MAP4: variants seen among roughly 807,000 people sequenced by gnomAD.
The protein encoded by MAP4 is microtubule associated protein 4.
Under a neutral mutation model 170.2 loss-of-function variants are expected in MAP4, and 76 were observed. The observed-to-expected ratio is 0.45, with a 90% CI of 0.37 to 0.54. The LOEUF (loss-of-function observed/expected upper bound fraction) is 0.54. Ranked by LOEUF, MAP4 falls within the 20% of genes least tolerant of loss-of-function variation. The pLI is 0.00. For missense variants in MAP4, 2,506 were observed against 2,748.0 expected (o/e 0.91, Z 1.97); for synonymous variants, 909 against 994.5 (o/e 0.91, Z 1.62).
intron 5 of MAP4, among the ~76,000 whole-genome samples, chr3:47,919,471 C>T (rs548435408): frequency 1.3e-5 from 2 of 151,898 alleles, no homozygotes; most frequent in African/African-American, 4.8e-5. Context: ...CCACACCTGG[C>T]TAATTTTTTT....
intron 1 of MAP4, among the ~76,000 whole-genome samples, chr3:48,061,765 G>A (rs1275011187): frequency 2.1e-5 from 3 of 145,736 alleles, no homozygotes; most frequent in South Asian, 2.2e-4. Flanking sequence ...GCCCCCGCCC[G>A]GCCAGCCGCC....
intron 1 of MAP4, among the ~76,000 whole-genome samples, chr3:48,026,794 C>T (rs921084216): frequency 2.0e-5 from 3 of 152,246 alleles, no homozygotes; most frequent in Non-Finnish European, 2.9e-5. Context: ...GAACCACCAA[C>T]AATTAATTAG....
chr3:48,022,615 G>A (rs981507976), intron 1 of MAP4, among the ~76,000 whole-genome samples: 2 of 152,184 alleles, frequency 1.3e-5, no homozygotes, highest in Admixed American at 6.5e-5. Flanking sequence ...TATTGGCTGG[G>A]CGTGGTGGCT....
At chr3:47,903,552 G>T (rs2100031315) in intron 9 of MAP4, among the ~76,000 whole-genome samples, 1 of 143,806 alleles carries the variant, frequency 7.0e-6, no homozygotes, top group African/African-American at 2.6e-5. Flanking sequence ...AAAAAAAAAA[G>T]TCCTTTTCTG....
chr3:47,862,161 C>CAAAAA (rs58780669), intron 17 of MAP4, among the ~76,000 whole-genome samples: 5 of 82,744 alleles, frequency 6.0e-5, no homozygotes, highest in African/African-American at 2.2e-4. Flanking sequence ...ACTCTGTCTC[C>CAAAAA]AAAAAAAAAA....
At chr3:48,043,300 C>T (rs1330749603) in intron 1 of MAP4, among the ~76,000 whole-genome samples, 2 of 152,038 alleles carry the variant, frequency 1.3e-5, no homozygotes, top group Non-Finnish European at 2.9e-5. Flanking sequence ...GGGGTTTTGC[C>T]ATGTTGGTCA....
intron 1 of MAP4, among the ~76,000 whole-genome samples, chr3:48,067,349 A>AT (rs944930368): frequency 6.6e-6 from 1 of 151,716 alleles, no homozygotes; most frequent in Admixed American, 6.6e-5. Flanking sequence ...ATATTTTTAA[A>AT]TTTTTTTTGG....
intron 3 of MAP4, among the ~76,000 whole-genome samples, chr3:47,929,474 T>C (rs2100048079): frequency 6.6e-6 from 1 of 151,962 alleles, no homozygotes. Context: ...TCTACAAACA[T>C]AATATAATTC....
intron 17 of MAP4, among the ~76,000 whole-genome samples, chr3:47,864,759 C>A (rs1000963282): frequency 1.9e-4 from 29 of 152,188 alleles, no homozygotes; most frequent in South Asian, 6.2e-4. Flanking sequence ...CCCAGCTACT[C>A]GGGAAGCTGA....
chr3:48,038,793 T>C (rs1375378322), intron 1 of MAP4, among the ~76,000 whole-genome samples: 2 of 152,062 alleles, frequency 1.3e-5, no homozygotes, highest in Non-Finnish European at 2.9e-5. Flanking sequence ...TCTTCTAGTG[T>C]TGTTTTGCTT....
chr3:48,000,998 A>G (rs1424359082), intron 1 of MAP4, among the ~76,000 whole-genome samples: 1 of 152,200 alleles, frequency 6.6e-6, no homozygotes, highest in Non-Finnish European at 1.5e-5. Context: ...AACATGTACA[A>G]AGCAAATACT....
At position 47,852,774 on chromosome 3, in the gene MAP4, GC is replaced by G; in HGVS notation, c.*159del. The G allele has an allele frequency of 6.5e-7, 1 of 1,546,196 alleles. No individual in the cohort carries two copies. On this transcript the variant is annotated 3_prime_UTR_variant, in exon 21 of 21. Coordinates refer to ENST00000683076, the MANE Select transcript of MAP4 (RefSeq NM_001385682.1). The stretch of plus-strand genomic sequence containing the variant: ...AGCCTAGCGGGCTGCCCAGCACGGC[GC>G]CCAAGCGCTCACTGGTCTAGTGGAC...
intron 1 of MAP4, among the ~76,000 whole-genome samples, chr3:48,053,243 A>G (rs2100128841): frequency 6.6e-6 from 1 of 152,234 alleles, no homozygotes; most frequent in South Asian, 2.1e-4. Context: ...ATTTCCCAAT[A>G]AATCTGAACA....
At chr3:47,865,078 C>T (rs2077027066) in intron 17 of MAP4, among the ~76,000 whole-genome samples, 1 of 152,206 alleles carries the variant, frequency 6.6e-6, no homozygotes, top group Middle Eastern at 3.4e-3. Flanking sequence ...TTTAAGGAAG[C>T]CTCCTAAAGT....
At chr3:47,932,987 T>C (rs2100050730) in intron 3 of MAP4, among the ~76,000 whole-genome samples, 1 of 151,834 alleles carries the variant, frequency 6.6e-6, no homozygotes, top group Admixed American at 6.6e-5. Context: ...ACTGCAACCT[T>C]AAACTCCTGG....
chr3:47,979,445 A>G (rs2100084190), intron 2 of MAP4, among the ~76,000 whole-genome samples: 1 of 152,030 alleles, frequency 6.6e-6, no homozygotes, highest in Non-Finnish European at 1.5e-5. Context: ...TCCTGTCTTG[A>G]TTACTGTATT....
chr3:48,004,537 C>T (rs1160094306), intron 1 of MAP4, among the ~76,000 whole-genome samples: 3 of 152,184 alleles, frequency 2.0e-5, no homozygotes, highest in African/African-American at 7.2e-5. Flanking sequence ...CTCAAATCTG[C>T]TAAGATTGCC....
intron 1 of MAP4, among the ~76,000 whole-genome samples, chr3:48,082,349 C>T (rs986919532): frequency 2.5e-4 from 38 of 152,196 alleles, no homozygotes; most frequent in African/African-American, 7.2e-4. Context: ...TTTTAACATG[C>T]CCACAAATTC....
intron 13 of MAP4, 77 bp downstream of exon 13, chr3:47,871,840 T>C (rs1417953576): frequency 7.1e-7 from 1 of 1,405,530 alleles, no homozygotes; most frequent in Non-Finnish European, 9.8e-7. Context: ...TGATACTAGC[T>C]AGAGCTATGG....
Sources: allele counts gnomAD v4.1 joint callset (sites outside exome capture counted in the v4.1 genomes callset), GRCh38; gene constraint gnomAD v4.1.1; transcripts MANE v1.5; gene names NCBI Gene and HGNC (gene_info 2026-07-23, HGNC 2026-07-21).